LRP1B: variants seen among roughly 807,000 people sequenced by gnomAD.
The protein encoded by LRP1B is low-density lipoprotein receptor-related protein 1B.
In LRP1B, 217 loss-of-function variants were observed where a neutral mutation model predicts 556.6. That is an observed-to-expected ratio of 0.39 (90% CI 0.35 to 0.44). LRP1B has a LOEUF of 0.44. LRP1B is among the 20% of genes least tolerant of loss of function. LRP1B has a pLI of 1.00. For synonymous variants in LRP1B, 2,047 were observed against 1,865.8 expected, an observed-to-expected ratio of 1.10 and a Z score of -2.50; for missense variants, 5,053 against 5,620.8, an observed-to-expected ratio of 0.90 and a Z score of 3.23.
chr2:140,930,169 T>G (rs1017815801), intron 20 of LRP1B, among the ~76,000 whole-genome samples: 1 of 152,100 alleles, frequency 6.6e-6, no homozygotes, highest in Non-Finnish European at 1.5e-5. Flanking sequence ...CCCAACAGAC[T>G]GTTAAAATGA....
intron 2 of LRP1B, among the ~76,000 whole-genome samples, chr2:141,517,016 A>AC (rs1232518663): frequency 8.8e-5 from 11 of 125,310 alleles, no homozygotes; most frequent in African/African-American, 3.4e-4. Flanking sequence ...AAAAAAAAAA[A>AC]AAAAAAAAAA....
At chr2:141,760,605 T>C (rs1180678022) in intron 2 of LRP1B, among the ~76,000 whole-genome samples, 1 of 152,228 alleles carries the variant, frequency 6.6e-6, no homozygotes, top group Non-Finnish European at 1.5e-5. Context: ...TACTGGACTA[T>C]ACACTTAACA....
At chr2:141,724,919 A>T (rs1692972067) in intron 2 of LRP1B, among the ~76,000 whole-genome samples, 1 of 152,036 alleles carries the variant, frequency 6.6e-6, no homozygotes, top group African/African-American at 2.4e-5. Context: ...CTTACTAAGT[A>T]ATTTTAAATT....
At chr2:140,391,887 C>G (rs1684038639) in intron 66 of LRP1B, among the ~76,000 whole-genome samples, 1 of 152,064 alleles carries the variant, frequency 6.6e-6, no homozygotes, top group African/African-American at 2.4e-5. Context: ...TTATGCTCAT[C>G]AATCATGCAA....
intron 1 of LRP1B, among the ~76,000 whole-genome samples, chr2:142,126,576 C>T (rs1195525245): frequency 6.6e-6 from 1 of 151,786 alleles, no homozygotes; most frequent in Non-Finnish European, 1.5e-5. Context: ...ATGCATCTAT[C>T]TAGAATGAAG....
chr2:140,490,341 A>G (rs1016888432), intron 57 of LRP1B, among the ~76,000 whole-genome samples: 1 of 152,108 alleles, frequency 6.6e-6, no homozygotes, highest in Admixed American at 6.6e-5. Flanking sequence ...TATGAATTTA[A>G]GTTATAGCTG....
At chr2:140,411,898 C>A (rs1684982955) in intron 66 of LRP1B, among the ~76,000 whole-genome samples, 1 of 152,044 alleles carries the variant, frequency 6.6e-6, no homozygotes, top group Admixed American at 6.6e-5. Context: ...AAGAAAGAAT[C>A]CTGTAAATTA....
chr2:141,364,612 T>C lies in LRP1B; in HGVS notation c.344-109971A>G, dbSNP rs145875480. Among the ~76,000 whole-genome samples, 393 of 152,326 alleles carry C rather than the reference T, an allele frequency of 2.6e-3. 1 individual carries two copies. The highest frequency in any genetic ancestry group is 9.0e-3 in the African/African-American group (373 of 41,572). On this transcript the variant is annotated intron_variant, in intron 3 of 90. Transcript: ENST00000389484. ...AGATTTATACACATGCATCTTTCAA[T>C]CTGGCAGCTGAAAGGTAGATGTTTT... is the stretch of plus-strand genomic sequence containing the variant.
chr2:140,939,589 T>C (rs1318828619), intron 20 of LRP1B, among the ~76,000 whole-genome samples: 2 of 150,134 alleles, frequency 1.3e-5, no homozygotes, highest in African/African-American at 2.4e-5. Context: ...TTAAACTGTA[T>C]TTACTATGTA....
At chr2:142,051,157 A>G (rs1378628100) in intron 1 of LRP1B, among the ~76,000 whole-genome samples, 1 of 152,068 alleles carries the variant, frequency 6.6e-6, no homozygotes, top group East Asian at 1.9e-4. Flanking sequence ...AGTAACTTCC[A>G]AAGAGTCCAA....
At chr2:141,673,828 A>T (rs903470806) in intron 2 of LRP1B, among the ~76,000 whole-genome samples, 2 of 152,082 alleles carry the variant, frequency 1.3e-5, no homozygotes. Context: ...CACTGCAATG[A>T]TTTTTTTTAA....
intron 2 of LRP1B, among the ~76,000 whole-genome samples, chr2:141,644,860 C>T (rs1047046895): frequency 6.6e-6 from 1 of 151,880 alleles, no homozygotes; most frequent in Non-Finnish European, 1.5e-5. Context: ...CTATCAGCAT[C>T]AGCACTGCAC....
Position 140,908,042 on chromosome 2 carries a change from C to G in LRP1B, c.3355G>C (p.Asp1119His), listed in dbSNP as rs1371842402. The change falls in exon 22 of 91, where the codon GAT (aspartate) becomes CAT (histidine). Residue 1119 changes from aspartate (D) to histidine (H), a missense_variant. Asp to His is a moderately conservative substitution (Grantham distance 81, BLOSUM62 -1). Coordinates refer to ENST00000389484, the MANE Select transcript of LRP1B (RefSeq NM_018557.3). ...CINKAWVCDG[D>H]IDCEDQSDED... ...TCTGACTGATCTTCGCAATCAATAT[C>G]TCCATCACACACCCATGCTTTGTTG... The G allele has an allele frequency of 5.6e-6, 9 of 1,613,406 alleles. No homozygotes were observed. Among genetic ancestry groups the G allele is most frequent in the Non-Finnish European group, 6.8e-6 (8 of 1,179,608 alleles).
chr2:141,524,351 A>G (rs1167646202), intron 2 of LRP1B, among the ~76,000 whole-genome samples: 1 of 151,746 alleles, frequency 6.6e-6, no homozygotes, highest in Non-Finnish European at 1.5e-5. Context: ...CTTATCAACT[A>G]TTCCTTCTTC....
chr2:140,442,694 GA>G, intron 65 of LRP1B, 71 bp from the exon 66 acceptor site: 1 of 1,477,050 alleles, frequency 6.8e-7, no homozygotes, highest in East Asian at 2.3e-5. Flanking sequence ...AAATTTTACA[GA>G]CAAATGTTTA....
intron 16 of LRP1B, 62 bp downstream of exon 16, chr2:140,993,933 T>G: frequency 6.6e-7 from 1 of 1,525,368 alleles, no homozygotes; most frequent in Non-Finnish European, 9.0e-7. Flanking sequence ...ACTGCCTTGA[T>G]AATTCACACA....
intron 3 of LRP1B, among the ~76,000 whole-genome samples, chr2:141,452,367 AC>A (rs774612560): frequency 6.6e-6 from 1 of 152,152 alleles, no homozygotes. Context: ...GCCTGATGAG[AC>A]TTTTTTTTGA....
chr2:140,671,314 A>T (rs905468675), intron 41 of LRP1B, among the ~76,000 whole-genome samples: 31 of 152,186 alleles, frequency 2.0e-4, no homozygotes, highest in Non-Finnish European at 4.4e-4. Flanking sequence ...AGGTCAGGAG[A>T]TTGAGACCAT....
chr2:140,362,834 A>G (rs1372985030), intron 72 of LRP1B, among the ~76,000 whole-genome samples: 1 of 151,660 alleles, frequency 6.6e-6, no homozygotes, highest in African/African-American at 2.4e-5. Flanking sequence ...GTTTGTAAGT[A>G]TATATTTTTG....
Sources: gnomAD v4.1 joint callset for allele counts (sites outside exome capture counted in the v4.1 genomes callset) on GRCh38, gnomAD v4.1.1 for gene constraint, MANE v1.5 for transcripts, NCBI Gene and HGNC (gene_info 2026-07-23, HGNC 2026-07-21) for gene names.